Variants in TC2N observed in about 807,000 individuals in gnomAD.
TC2N encodes the protein tandem C2 domains, nuclear.
TC2N carries 51 observed loss-of-function variants against 61.9 expected under a neutral mutation model. The ratio of observed to expected loss-of-function variants is 0.82; its 90% CI spans 0.66 to 1.04. The LOEUF is 1.04. Ranked by LOEUF, TC2N falls within the 50% of genes least tolerant of loss-of-function variation. The probability of loss-of-function intolerance (pLI) is 0.00; values close to 1 mark genes in which losing one functional copy is unlikely to be tolerated. For synonymous variants in TC2N, 204 were observed against 192.6 expected (o/e 1.06, Z -0.49); for missense variants, 556 against 566.7 (o/e 0.98, Z 0.19).
chr14:91,814,457 A>G (rs187611659), intron 1 of TC2N, among the ~76,000 whole-genome samples: 1 of 151,254 alleles, frequency 6.6e-6, no homozygotes, highest in Admixed American at 6.6e-5. Context: ...AAAAGAAATA[A>G]AGAGGAGAAG....
At chr14:91,829,182 T>C (rs1056718789) in intron 1 of TC2N, among the ~76,000 whole-genome samples, 2 of 152,108 alleles carry the variant, frequency 1.3e-5, no homozygotes, top group Non-Finnish European at 2.9e-5. Flanking sequence ...TCATTGAGAT[T>C]CTTGAATATA....
chr14:91,819,013 T>G (rs931511833), intron 1 of TC2N, among the ~76,000 whole-genome samples: 8 of 151,836 alleles, frequency 5.3e-5, no homozygotes, highest in African/African-American at 1.9e-4. Flanking sequence ...AAACCACAGA[T>G]CTAAGAACCT....
At chr14:91,836,645 A>AGGGGCGAGGCAAGGC (rs1888035796) in intron 1 of TC2N, 1 of 15,674 alleles carries the variant, frequency 6.4e-5, no homozygotes. Flanking sequence ...CAGGGCGGGG[A>AGGGGCGAGGCAAGGC]GTGGAGTGGC....
At chr14:91,795,035 T>C (rs1885831287) in intron 8 of TC2N, among the ~76,000 whole-genome samples, 1 of 152,138 alleles carries the variant, frequency 6.6e-6, no homozygotes, top group African/African-American at 2.4e-5. Flanking sequence ...CTTTGAGGGA[T>C]TCAAAATTTC....
rs1206203611 is a variant in TC2N at position 91,783,127 on chromosome 14, G to A, written c.1446C>T (p.Ile482=). 1.9e-6 allele frequency: 3 copies of A among 1,610,364 alleles called. No homozygotes were observed. The highest frequency in any genetic ancestry group is 2.2e-5 in the East Asian group (1 of 44,656). The change falls in exon 12 of 12, where the codon ATC becomes ATT. Residue 482 remains isoleucine (I), a synonymous_variant. Transcript: ENST00000435962. ...ETVINPEKVV[I]RWHKLNPS is the part of the protein sequence containing the mutation. ...AAGATGGATTTAATTTGTGCCACCT[G>A]ATAACAACCTTTTCTGGATTTATTA... is the stretch of plus-strand genomic sequence containing the variant.
intron 1 of TC2N, among the ~76,000 whole-genome samples, chr14:91,817,031 C>A (rs1887037123): frequency 6.6e-6 from 1 of 151,888 alleles, no homozygotes; most frequent in African/African-American, 2.4e-5. Flanking sequence ...TATAATCTGT[C>A]TAGCCCTAGG....
chr14:91,784,397 TAAA>T (rs1299295069), intron 11 of TC2N, among the ~76,000 whole-genome samples: 2 of 152,132 alleles, frequency 1.3e-5, no homozygotes, highest in Non-Finnish European at 2.9e-5. Flanking sequence ...AAATATATAT[TAAA>T]AAGTAAATCA....
intron 1 of TC2N, among the ~76,000 whole-genome samples, chr14:91,815,353 TG>T (rs1258635604): frequency 2.0e-5 from 3 of 149,692 alleles, no homozygotes; most frequent in African/African-American, 7.6e-5. Flanking sequence ...GCATACTTCA[TG>T]AATTATTTTA....
intron 1 of TC2N, among the ~76,000 whole-genome samples, chr14:91,843,045 A>G (rs1017133769): frequency 6.6e-6 from 1 of 152,036 alleles, no homozygotes; most frequent in African/African-American, 2.4e-5. Context: ...CTTAGGCCTT[A>G]AGAGACTTCA....
At chr14:91,828,691 T>A (rs1887611492) in intron 1 of TC2N, among the ~76,000 whole-genome samples, 1 of 151,984 alleles carries the variant, frequency 6.6e-6, no homozygotes, top group Non-Finnish European at 1.5e-5. Flanking sequence ...CCCAATAGAG[T>A]TTATCATAAT....
chr14:91,810,913 CAACATAGGTATA>C (rs1025928170), intron 3 of TC2N, among the ~76,000 whole-genome samples: 1 of 150,254 alleles, frequency 6.7e-6, no homozygotes, highest in Non-Finnish European at 1.5e-5. Flanking sequence ...TCAAAAGGTT[CAACATAGGTATA>C]ATCGGAATCC....
chr14:91,802,031 T>C (rs1280698351), intron 4 of TC2N, among the ~76,000 whole-genome samples: 1 of 152,214 alleles, frequency 6.6e-6, no homozygotes, highest in African/African-American at 2.4e-5. Context: ...GGAAATTAAA[T>C]GGAATTTAGA....
chr14:91,802,311 G>A lies in TC2N; in HGVS notation c.412C>T (p.Pro138Ser). The change falls in exon 4 of 12, where the codon CCT becomes TCT. Residue 138 changes from proline (P) to serine (S), a missense_variant. Pro to Ser is a moderately conservative substitution (Grantham distance 74). Coordinates refer to ENST00000435962, the MANE Select transcript of TC2N (RefSeq NM_001128596.3). ...NPFYMYQHISPDLSRRFPPRS... is the reference protein window; with the variant it reads ...NPFYMYQHISSDLSRRFPPRS... The stretch of plus-strand genomic sequence containing the variant: ...GGAGGAAAGCGTCGACTCAAATCAG[G>A]TGAAATGTGCTGATACATATAGAAT... 1 of 1,606,466 alleles carries A rather than the reference G, an allele frequency of 6.2e-7. No individual in the cohort carries two copies. The highest frequency in any genetic ancestry group is 8.5e-7 in the Non-Finnish European group (1 of 1,177,374).
intron 1 of TC2N, among the ~76,000 whole-genome samples, chr14:91,817,003 G>A (rs1246280175): frequency 6.6e-6 from 1 of 151,778 alleles, no homozygotes; most frequent in Non-Finnish European, 1.5e-5. Flanking sequence ...TTGCTTGTCT[G>A]TTCTCGAAAA....
rs750460758 is a variant in TC2N, at chr14:91,783,054, T to A, written c.*46A>T. On this transcript the variant is annotated 3_prime_UTR_variant, in exon 12 of 12. Coordinates refer to ENST00000435962, the MANE Select transcript of TC2N (RefSeq NM_001128596.3). Reference sequence around the variant, plus strand: ...TGGTAGCAAATTGAAATCATAAGTCTTCTAAAAGAATGTCAAGTTCTTCAC... The same window carrying A: ...TGGTAGCAAATTGAAATCATAAGTCATCTAAAAGAATGTCAAGTTCTTCAC... The A allele has an allele frequency of 4.0e-6, 5 of 1,261,968 alleles. No homozygotes were observed. The South Asian group carries it at 6.2e-5, about 16-fold the overall frequency. 78.2% of individuals were successfully genotyped at this position (1,261,968 alleles called of 1,614,324 possible).
Position 91,787,501 on chromosome 14 carries a change from T to C in TC2N, c.1162+12A>G, listed in dbSNP as rs764853242. Reference sequence around the variant, plus strand: ...TTCTGAAGATTCTACTTTGAACCACTGATATACTTACTCAAAGTCAGAGGT... The same window carrying C: ...TTCTGAAGATTCTACTTTGAACCACCGATATACTTACTCAAAGTCAGAGGT... On this transcript the variant is annotated intron_variant, in intron 10 of 11. Transcript: ENST00000435962. 18 of 1,533,420 alleles carry C rather than the reference T, an allele frequency of 1.2e-5. No homozygotes were observed. The Admixed American group carries it at 3.2e-4, about 27-fold the overall frequency. The allele number at this position is 1,533,420 out of a possible 1,614,324, so 95.0% of individuals were successfully genotyped here. A position where few individuals can be genotyped will look rare whatever the true frequency, so the allele number is the denominator to read the frequency against.
intron 3 of TC2N, among the ~76,000 whole-genome samples, chr14:91,805,134 A>G (rs1886448365): frequency 6.6e-6 from 1 of 152,230 alleles, no homozygotes; most frequent in Non-Finnish European, 1.5e-5. Flanking sequence ...TAAGATTATA[A>G]TGAAGCCAAA....
chr14:91,830,664 A>C lies in TC2N; in HGVS notation c.-56-16839T>G, dbSNP rs543212755. ...CAGCTAAATGAATATACAAAAAAAA[A>C]CCCCACTGAATTGTACATTTTAAAG... On this transcript the variant is annotated intron_variant, in intron 1 of 11. Coordinates refer to ENST00000435962, the MANE Select transcript of TC2N (RefSeq NM_001128596.3). 6.6e-4 allele frequency among the ~76,000 whole-genome samples: 100 copies of C among 151,718 alleles called. 1 individual carries two copies. In the East Asian group the frequency reaches 0.014, roughly 22 times the overall value.
At position 91,832,463 on chromosome 14, in the gene TC2N, C is replaced by CA. The variant is rs1049754170; in HGVS notation, c.-56-18639dup. On this transcript the variant is annotated intron_variant, in intron 1 of 11. Transcript: ENST00000435962. Reference sequence around the variant, plus strand: ...AAATGGCCAAAGACATAAACACCCACAAAACATAAACAATGAAAGGTTCAA... The same window carrying CA: ...AAATGGCCAAAGACATAAACACCCACAAAAACATAAACAATGAAAGGTTCAA... Among the ~76,000 whole-genome samples, 29 of 150,968 alleles carry CA rather than the reference C, an allele frequency of 1.9e-4. 1 individual carries two copies. Among genetic ancestry groups the CA allele is most frequent in the Admixed American group, 1.8e-3 (28 of 15,178 alleles).
Sources: gnomAD v4.1 joint callset for allele counts (sites outside exome capture counted in the v4.1 genomes callset) on GRCh38, gnomAD v4.1.1 for gene constraint, MANE v1.5 for transcripts, NCBI Gene and HGNC (gene_info 2026-07-23, HGNC 2026-07-21) for gene names.